EPB41L4A: variants seen among roughly 807,000 people sequenced by gnomAD.
EPB41L4A encodes erythrocyte membrane protein band 4.1 like 4A.
In EPB41L4A, 100 loss-of-function variants were observed where a neutral mutation model predicts 108.6. The ratio of observed to expected loss-of-function variants is 0.92; its 90% confidence interval spans 0.78 to 1.09. EPB41L4A has a LOEUF of 1.09. EPB41L4A is among the 50% of genes least tolerant of loss of function. EPB41L4A has a pLI of 0.00. For missense variants in EPB41L4A, 1,030 were observed against 842.7 expected, an observed-to-expected ratio of 1.22 and a Z score of -2.75; for synonymous variants, 319 against 289.0, an observed-to-expected ratio of 1.10 and a Z score of -1.05.
chr5:112,380,850 G>A (rs1050358309), intron 1 of EPB41L4A, among the ~76,000 whole-genome samples: 6 of 151,406 alleles, frequency 4.0e-5, no homozygotes, highest in Non-Finnish European at 8.8e-5. Context: ...GGGGAAAGGA[G>A]AGCAGCACAT....
intron 1 of EPB41L4A, among the ~76,000 whole-genome samples, chr5:112,349,580 GAAA>G (rs948303337): frequency 6.6e-6 from 1 of 152,182 alleles, no homozygotes; most frequent in African/African-American, 2.4e-5. Context: ...GAATGAGACT[GAAA>G]AATTATGCTG....
intron 18 of EPB41L4A, chr5:112,175,490 T>C (rs1298753021): frequency 1.3e-5 from 2 of 152,230 alleles, no homozygotes; most frequent in African/African-American, 4.8e-5. Context: ...ATTGATTTTC[T>C]AGCTATTTGT....
rs77389570 is a variant in EPB41L4A, at chr5:112,256,134, T to G, written c.795+3095A>C. 6.9e-3 allele frequency among the ~76,000 whole-genome samples: 1,058 copies of G among 152,310 alleles called. 11 individuals are homozygous for G. Among genetic ancestry groups the G allele is most frequent in the African/African-American group, 0.024 (1,004 of 41,574 alleles). On this transcript the variant is annotated intron_variant, in intron 9 of 22. Transcript: ENST00000261486. ...GGATTTTGAAATAAGCTTAAGTTGT[T>G]GAATGAGTAAACAAGTAACAGCCTT...
chr5:112,154,724 T>C (rs935345582), intron 12 of EPB41L4A, among the ~76,000 whole-genome samples: 1 of 152,172 alleles, frequency 6.6e-6, no homozygotes, highest in African/African-American at 2.4e-5. Flanking sequence ...AATTAACAAA[T>C]GTGGAGTGAT....
chr5:112,399,053 C>A (rs1410423798), intron 1 of EPB41L4A, among the ~76,000 whole-genome samples: 1 of 152,048 alleles, frequency 6.6e-6, no homozygotes, highest in Non-Finnish European at 1.5e-5. Flanking sequence ...ACGTGCGGAG[C>A]GGTGAATCCA....
At chr5:112,395,030 C>A (rs1173522481) in intron 1 of EPB41L4A, among the ~76,000 whole-genome samples, 1 of 152,194 alleles carries the variant, frequency 6.6e-6, no homozygotes. Context: ...GCTGGGAAAA[C>A]TGGCTAGCCA....
intron 1 of EPB41L4A, among the ~76,000 whole-genome samples, chr5:112,326,041 T>G (rs1756134411): frequency 6.6e-6 from 1 of 152,214 alleles, no homozygotes; most frequent in South Asian, 2.1e-4. Context: ...TTCCAGCTAC[T>G]TGGGAGGCTG....
At chr5:112,345,504 C>G (rs1371825671) in intron 1 of EPB41L4A, among the ~76,000 whole-genome samples, 1 of 151,890 alleles carries the variant, frequency 6.6e-6, no homozygotes, top group Non-Finnish European at 1.5e-5. Flanking sequence ...AGGAAATATA[C>G]AAAAATGTTA....
At chr5:112,295,019 C>T (rs1416011035) in intron 2 of EPB41L4A, among the ~76,000 whole-genome samples, 1 of 152,130 alleles carries the variant, frequency 6.6e-6, no homozygotes, top group East Asian at 1.9e-4. Flanking sequence ...TTATAGAAAC[C>T]CAAGCTCATC....
chr5:112,310,405 G>C (rs1754971995), intron 1 of EPB41L4A, among the ~76,000 whole-genome samples: 2 of 152,094 alleles, frequency 1.3e-5, no homozygotes, highest in African/African-American at 4.8e-5. Flanking sequence ...CATTGGCTGG[G>C]ACCTCAATAA....
chr5:112,347,984 T>G (rs1236511215), intron 1 of EPB41L4A, among the ~76,000 whole-genome samples: 3 of 152,202 alleles, frequency 2.0e-5, no homozygotes, highest in Non-Finnish European at 2.9e-5. Flanking sequence ...GCTTACCATA[T>G]CTGCACTGTT....
chr5:112,336,032 A>G (rs1031747775), intron 1 of EPB41L4A, among the ~76,000 whole-genome samples: 1 of 152,072 alleles, frequency 6.6e-6, no homozygotes. Context: ...ATGATTCCCT[A>G]CACCAGGCAA....
At chr5:112,316,086 G>A (rs1191794830) in intron 1 of EPB41L4A, among the ~76,000 whole-genome samples, 1 of 152,150 alleles carries the variant, frequency 6.6e-6, no homozygotes, top group African/African-American at 2.4e-5. Context: ...TATAATCGTA[G>A]AGAAAGACTC....
chr5:112,415,498 A>G (rs2112837255), intron 1 of EPB41L4A, among the ~76,000 whole-genome samples: 1 of 152,302 alleles, frequency 6.6e-6, no homozygotes, highest in East Asian at 1.9e-4. Context: ...TTGTAGCAGC[A>G]ATTTTGAGAA....
At position 112,164,894 on chromosome 5, in the gene EPB41L4A, G is replaced by A; in HGVS notation, c.*96C>T. 2 of 1,230,254 alleles carry A rather than the reference G, an allele frequency of 1.6e-6. No individual in the cohort carries two copies. The highest frequency in any genetic ancestry group is 2.2e-6 in the Non-Finnish European group (2 of 910,024). 76.2% of individuals were successfully genotyped at this position (1,230,254 alleles called of 1,614,324 possible). On this transcript the variant is annotated 3_prime_UTR_variant, in exon 23 of 23. Coordinates refer to ENST00000261486, the MANE Select transcript of EPB41L4A (RefSeq NM_022140.5). ...TTCTCATGCTGAAGAAATACTTGCA[G>A]GTCTGAGATTTGAATTAAGATACCT...
At chr5:112,197,809 T>G (rs546718308) in intron 15 of EPB41L4A, among the ~76,000 whole-genome samples, 15 of 152,322 alleles carry the variant, frequency 9.8e-5, no homozygotes, top group African/African-American at 3.6e-4. Context: ...GTCTTTTGGC[T>G]ACTTGTCTGG....
intron 15 of EPB41L4A, among the ~76,000 whole-genome samples, chr5:112,198,613 T>C (rs567135282): frequency 6.6e-6 from 1 of 152,296 alleles, no homozygotes; most frequent in Admixed American, 6.5e-5. Context: ...TTCTTAGAAA[T>C]TGTATTAGTT....
intron 1 of EPB41L4A, among the ~76,000 whole-genome samples, chr5:112,332,830 C>T (rs1164243299): frequency 6.6e-6 from 1 of 152,104 alleles, no homozygotes; most frequent in East Asian, 1.9e-4. Context: ...TGTAGAATTG[C>T]TTATACTTTT....
intron 2 of EPB41L4A, among the ~76,000 whole-genome samples, chr5:112,298,890 C>G (rs756880884): frequency 5.9e-5 from 9 of 152,044 alleles, no homozygotes; most frequent in Admixed American, 2.0e-4. Flanking sequence ...TGTCTCTTTC[C>G]AGGAATTTAT....
Sources: gnomAD v4.1 joint callset for allele counts (sites outside exome capture counted in the v4.1 genomes callset) on GRCh38, gnomAD v4.1.1 for gene constraint, MANE v1.5 for transcripts, NCBI Gene and HGNC (gene_info 2026-07-23, HGNC 2026-07-21) for gene names.